The following ITPR1 variants were observed in gnomAD, a reference collection of about 807,000 sequenced individuals.
The protein encoded by ITPR1 is inositol 1,4,5-trisphosphate-gated calcium channel ITPR1.
A neutral mutation model predicts 318.4 loss-of-function variants in ITPR1; 96 were observed. The ratio of observed to expected loss-of-function variants is 0.30; its 90% CI spans 0.26 to 0.36. The LOEUF is 0.36. Among genes scored for constraint, ITPR1 ranks in the 10% least tolerant of loss-of-function variants. The probability of loss-of-function intolerance (pLI) is 1.00; values close to 1 mark genes in which losing one functional copy is unlikely to be tolerated. For synonymous variants in ITPR1, 1,312 were observed against 1,289.9 expected (o/e 1.02, Z -0.37); for missense variants, 2,440 against 3,460.2 (o/e 0.71, Z 7.40).
chr3:4,664,129 C>G (rs1342769161), intron 16 of ITPR1, among the ~76,000 whole-genome samples: 1 of 152,158 alleles, frequency 6.6e-6, no homozygotes, highest in Admixed American at 6.6e-5. Context: ...TTATTTCATA[C>G]ATTTGGGAGA....
rs540394094 is a variant in ITPR1, at chr3:4,700,471, A to G, written c.4536+530A>G. On this transcript the variant is annotated intron_variant, in intron 35 of 61. Transcript: ENST00000649015. ...AGAGCGGTAGAGACCAGAGATAAAC[A>G]TGTACTGGTTGAAGCCTTAGCCAGG... is the stretch of plus-strand genomic sequence containing the variant. Among the ~76,000 whole-genome samples, 38 of 152,354 alleles carry G rather than the reference A, an allele frequency of 2.5e-4. No individual in the cohort carries two copies. The South Asian group carries it at 6.6e-3, about 27-fold the overall frequency.
chr3:4,816,942 T>C (rs1449772626), intron 59 of ITPR1, among the ~76,000 whole-genome samples: 1 of 152,218 alleles, frequency 6.6e-6, no homozygotes, highest in Non-Finnish European at 1.5e-5. Flanking sequence ...AATTTTTTCT[T>C]CTCCCCACAT....
chr3:4,723,979 G>A (rs2042338413), intron 40 of ITPR1, among the ~76,000 whole-genome samples: 1 of 152,218 alleles, frequency 6.6e-6, no homozygotes, highest in Non-Finnish European at 1.5e-5. Flanking sequence ...CATACAGAAT[G>A]TAAGGGTAGA....
Position 4,697,193 on chromosome 3 carries a change from C to G in ITPR1, c.4328C>G (p.Thr1443Arg). 1 of 1,606,208 alleles carries G rather than the reference C, an allele frequency of 6.2e-7. No homozygotes were observed. Among genetic ancestry groups the G allele is most frequent in the Non-Finnish European group, 8.5e-7 (1 of 1,175,630 alleles). Residue 1443 changes from threonine (T) to arginine (R), a missense_variant, in exon 34 of 62, where the codon ACA (threonine) becomes AGA (arginine). Coordinates refer to ENST00000649015, the MANE Select transcript of ITPR1 (RefSeq NM_001378452.1). ...TTCCTGAATCACTGCTATGTGGATA[C>G]AGAGGTGGAAATGAAGGAGATTTAT... is the stretch of plus-strand genomic sequence containing the variant. ...INFLNHCYVD[T>R]EVEMKEIYTS...
intron 4 of ITPR1, among the ~76,000 whole-genome samples, chr3:4,553,460 T>G (rs1352471174): frequency 1.3e-5 from 2 of 151,874 alleles, no homozygotes; most frequent in Non-Finnish European, 1.5e-5. Flanking sequence ...AGGGAGGGTC[T>G]TGCTGTGTCA....
At chr3:4,838,083 T>C (rs1251382947) in intron 61 of ITPR1, among the ~76,000 whole-genome samples, 2 of 152,182 alleles carry the variant, frequency 1.3e-5, no homozygotes, top group East Asian at 1.9e-4. Flanking sequence ...TTAATCATCA[T>C]ACTTAGATTT....
intron 56 of ITPR1, 149 bp from the exon 57 acceptor site, chr3:4,812,992 TA>T: frequency 1.5e-6 from 1 of 668,752 alleles, no homozygotes; most frequent in Non-Finnish European, 2.7e-6. Context: ...AATGAAAGTG[TA>T]AATTGCATTT....
chr3:4,507,344 A>G (rs1267386583), intron 2 of ITPR1, among the ~76,000 whole-genome samples: 1 of 152,212 alleles, frequency 6.6e-6, no homozygotes, highest in Non-Finnish European at 1.5e-5. Flanking sequence ...CTCCTAGAGT[A>G]CATAGGTAAT....
chr3:4,766,796 C>T lies in ITPR1; in HGVS notation c.5725+86C>T, dbSNP rs148623078. On this transcript the variant is annotated intron_variant, in intron 45 of 61. Coordinates refer to ENST00000649015, the MANE Select transcript of ITPR1 (RefSeq NM_001378452.1). ...CTTCATTGTTTTCATTACTTCTGTG[C>T]TCTAAAATGCATTATGATGGGAGCT... is the stretch of plus-strand genomic sequence containing the variant. 827 of 1,088,956 alleles carry T rather than the reference C, an allele frequency of 7.6e-4. 5 individuals are homozygous for T. The African/African-American group carries it at 0.011, about 15-fold the overall frequency. 67.5% of individuals were successfully genotyped at this position (1,088,956 alleles called of 1,614,324 possible).
chr3:4,681,055 C>T (rs1334343764), intron 25 of ITPR1, among the ~76,000 whole-genome samples: 1 of 152,144 alleles, frequency 6.6e-6, no homozygotes, highest in Non-Finnish European at 1.5e-5. Context: ...TTTTTCCCTG[C>T]CCAGGAACTA....
At chr3:4,733,511 C>T (rs1340013665) in intron 43 of ITPR1, among the ~76,000 whole-genome samples, 1 of 152,036 alleles carries the variant, frequency 6.6e-6, no homozygotes, top group African/African-American at 2.4e-5. Context: ...GATTTTATTG[C>T]ACTTCGTCCC....
At position 4,639,436 on chromosome 3, in the gene ITPR1, TG is replaced by T. The variant is rs1459602226; in HGVS notation, c.336del (p.Thr113ProfsTer2). 6.3e-7 allele frequency: 1 copy of T among 1,582,814 alleles called. No individual in the cohort carries two copies. Among genetic ancestry groups the T allele is most frequent in the Non-Finnish European group, 8.6e-7 (1 of 1,164,116 alleles). ...KQNETENRKL[L>X]GTVIQYGNVI... The stretch of plus-strand genomic sequence containing the variant: ...AATGAGACAGAAAACAGGAAATTGC[TG>T]GGGACCGTAATCCAGTATGGCAATG... On this transcript the variant is annotated frameshift_variant, in exon 6 of 62. Transcript: ENST00000649015. LOFTEE classifies it high-confidence loss of function.
At chr3:4,520,969 G>C in intron 3 of ITPR1, 55 bp from the exon 4 acceptor site, 1 of 1,325,110 alleles carries the variant, frequency 7.5e-7, no homozygotes, top group South Asian at 1.2e-5. Flanking sequence ...TTTGCATAGT[G>C]CTAAGAGTTT....
At position 4,734,931 on chromosome 3, in the gene ITPR1, T is replaced by C. The variant is rs74714977; in HGVS notation, c.5354-233T>C. Among the ~76,000 whole-genome samples the C allele has an allele frequency of 2.5e-3, 378 of 152,354 alleles. 10 individuals are homozygous for C. In the East Asian group the frequency reaches 0.066, roughly 27 times the overall value. On this transcript the variant is annotated intron_variant, in intron 43 of 61. Coordinates refer to ENST00000649015, the MANE Select transcript of ITPR1 (RefSeq NM_001378452.1). The stretch of plus-strand genomic sequence containing the variant: ...GAAATGTATCATTCTTTTTTCATCT[T>C]ACCTGTCTGAATTCAAACACCATCT...
intron 4 of ITPR1, among the ~76,000 whole-genome samples, chr3:4,550,026 T>G (rs1178876986): frequency 6.6e-6 from 1 of 152,262 alleles, no homozygotes; most frequent in Admixed American, 6.5e-5. Flanking sequence ...TTTAGAGGAC[T>G]GTTTTGGCTA....
At chr3:4,699,736 A>C in intron 34 of ITPR1, 77 bp from the exon 35 acceptor site, 1 of 1,465,980 alleles carries the variant, frequency 6.8e-7, no homozygotes, top group Non-Finnish European at 9.4e-7. Context: ...AAAGTAACCC[A>C]CAGGAGGGAG....
At chr3:4,587,067 A>AT (rs745328061) in intron 4 of ITPR1, among the ~76,000 whole-genome samples, 35 of 152,162 alleles carry the variant, frequency 2.3e-4, no homozygotes, top group Non-Finnish European at 4.1e-4. Context: ...GGGAATAAAT[A>AT]TTTTTTACAT....
At chr3:4,695,112 T>A (rs1248642883) in intron 33 of ITPR1, among the ~76,000 whole-genome samples, 1 of 152,230 alleles carries the variant, frequency 6.6e-6, no homozygotes, top group Non-Finnish European at 1.5e-5. Flanking sequence ...AGATGTACTG[T>A]CACGGCCCTT....
chr3:4,562,983 G>A (rs1300893980), intron 4 of ITPR1, among the ~76,000 whole-genome samples: 1 of 152,166 alleles, frequency 6.6e-6, no homozygotes, highest in Non-Finnish European at 1.5e-5. Context: ...CACTAGATAG[G>A]GCAGTTAGGG....
Sources: allele counts gnomAD v4.1 joint callset (sites outside exome capture counted in the v4.1 genomes callset), GRCh38; gene constraint gnomAD v4.1.1; transcripts MANE v1.5; gene names NCBI Gene and HGNC (gene_info 2026-07-23, HGNC 2026-07-21).